SPTBN1: variants seen among roughly 807,000 people sequenced by gnomAD.
SPTBN1 encodes the protein spectrin beta, non-erythrocytic 1.
SPTBN1 carries 32 observed loss-of-function variants against 266.4 expected under a neutral mutation model. The ratio of observed to expected loss-of-function variants is 0.12; its 90% confidence interval spans 0.09 to 0.16. The LOEUF (loss-of-function observed/expected upper bound fraction) is 0.16. Ranked by LOEUF, SPTBN1 falls within the 10% of genes least tolerant of loss-of-function variation. SPTBN1 has a pLI of 1.00. For synonymous variants in SPTBN1, 1,336 were observed against 1,162.2 expected (o/e 1.15, Z -3.04); for missense variants, 2,296 against 3,067.1 (o/e 0.75, Z 5.94).
At chr2:54,638,073 G>T (rs562068304) in intron 18 of SPTBN1, among the ~76,000 whole-genome samples, 4 of 152,312 alleles carry the variant, frequency 2.6e-5, no homozygotes, top group East Asian at 1.9e-4. Context: ...TGTCTTTATG[G>T]TTGGTTGGCT....
chr2:54,618,064 G>C lies in SPTBN1; in HGVS notation c.648-14G>C, dbSNP rs370638509. 14 of 1,601,976 alleles carry C rather than the reference G, an allele frequency of 8.7e-6. No individual in the cohort carries two copies. The African/African-American group carries it at 1.3e-4, about 15-fold the overall frequency. On this transcript the variant is annotated splice_polypyrimidine_tract_variant and intron_variant, in intron 6 of 35. Transcript: ENST00000356805. ...GCCATGATTTTTGTTGTGTCCCACT[G>C]TTGTTCTGCACAGGCCTGACCTGAT...
At chr2:54,506,330 G>A (rs1669554183) in intron 1 of SPTBN1, among the ~76,000 whole-genome samples, 1 of 152,126 alleles carries the variant, frequency 6.6e-6, no homozygotes, top group Non-Finnish European at 1.5e-5. Flanking sequence ...AGACAGCAGT[G>A]AAAATTTGTC....
At chr2:54,506,238 A>G (rs1008260352) in intron 1 of SPTBN1, among the ~76,000 whole-genome samples, 25 of 152,166 alleles carry the variant, frequency 1.6e-4, no homozygotes, top group African/African-American at 5.6e-4. Flanking sequence ...CCCGTGCTAC[A>G]TGTGCTTTCG....
chr2:54,643,434 A>G (rs1010633128), intron 19 of SPTBN1, among the ~76,000 whole-genome samples: 2 of 152,212 alleles, frequency 1.3e-5, no homozygotes, highest in Admixed American at 1.3e-4. Flanking sequence ...TCATGCAGGG[A>G]TTCCACTGTC....
In SPTBN1 at chr2:54,628,365, A is replaced by C; in HGVS notation, c.1798+115A>C. On this transcript the variant is annotated intron_variant, in intron 13 of 35. Coordinates refer to ENST00000356805, the MANE Select transcript of SPTBN1 (RefSeq NM_003128.3). The surrounding 1 kb of genome is among the most constrained non-coding windows in gnomAD (Gnocchi z 4.3). ...ACTATACATTCCTGGTGGGTTTGTC[A>C]TGGGAGCATGAAATACGGTGGAGTG... 2 of 1,320,482 alleles carry C rather than the reference A, an allele frequency of 1.5e-6. No homozygotes were observed. Among genetic ancestry groups the C allele is most frequent in the Non-Finnish European group, 2.0e-6 (2 of 1,004,854 alleles). The allele number at this position is 1,320,482 out of a possible 1,614,324, so 81.8% of individuals were successfully genotyped here. A position where few individuals can be genotyped will look rare whatever the true frequency, so the allele number is the denominator to read the frequency against.
At position 54,653,998 on chromosome 2, in the gene SPTBN1, G is replaced by A. The variant is rs1417065042; in HGVS notation, c.5822+145G>A. On this transcript the variant is annotated intron_variant, in intron 27 of 35. Transcript: ENST00000356805. The surrounding 1 kb of genome is among the most constrained non-coding windows in gnomAD (Gnocchi z 5.1). ...GGGGGTGGGGCGGTGCTTGGAGTGC[G>A]GCACCACTGCTTGCCTCGTGCACTT... 1.6e-4 allele frequency: 195 copies of A among 1,237,788 alleles called. No homozygotes were observed. The highest frequency in any genetic ancestry group is 2.0e-4 in the Non-Finnish European group (180 of 906,496). The allele number at this position is 1,237,788 out of a possible 1,614,324, so 76.7% of individuals were successfully genotyped here. A position where few individuals can be genotyped will look rare whatever the true frequency, so the allele number is the denominator to read the frequency against.
intron 1 of SPTBN1, among the ~76,000 whole-genome samples, chr2:54,493,886 A>G (rs142790656): frequency 3.9e-5 from 6 of 152,360 alleles, no homozygotes; most frequent in Non-Finnish European, 7.3e-5. Flanking sequence ...TAGGGTGTCT[A>G]TCAAAGACAA....
At chr2:54,632,520 A>G (rs772126801) in intron 16 of SPTBN1, 46 bp from the exon 17 acceptor site, 1 of 1,582,486 alleles carries the variant, frequency 6.3e-7, no homozygotes, top group East Asian at 2.2e-5. Flanking sequence ...CAGGAAAATG[A>G]GATCCTTCAT....
At chr2:54,553,040 T>TA in intron 2 of SPTBN1, among the ~76,000 whole-genome samples, 1 of 152,320 alleles carries the variant, frequency 6.6e-6, no homozygotes, top group Non-Finnish European at 1.5e-5. Context: ...GCTATGCCAG[T>TA]AGGGCTTTTG....
intron 2 of SPTBN1, among the ~76,000 whole-genome samples, chr2:54,532,983 G>C (rs1425893009): frequency 6.6e-6 from 1 of 151,688 alleles, no homozygotes; most frequent in African/African-American, 2.4e-5. Flanking sequence ...TTCTTGTTGA[G>C]AACTTTTACT....
chr2:54,588,895 T>A (rs1459787046), intron 2 of SPTBN1, among the ~76,000 whole-genome samples: 1 of 152,230 alleles, frequency 6.6e-6, no homozygotes, highest in Admixed American at 6.5e-5. Flanking sequence ...TTTTGGCACC[T>A]TACACTATTG....
chr2:54,493,647 C>T (rs373526443), intron 1 of SPTBN1, among the ~76,000 whole-genome samples: 72 of 152,308 alleles, frequency 4.7e-4, no homozygotes, highest in African/African-American at 1.6e-3. Flanking sequence ...AGTTATCCAC[C>T]TGCCTTGGCC....
At chr2:54,586,311 G>T (rs1298899940) in intron 2 of SPTBN1, among the ~76,000 whole-genome samples, 1 of 152,064 alleles carries the variant, frequency 6.6e-6, no homozygotes, top group Non-Finnish European at 1.5e-5. Context: ...TATGGTCACT[G>T]GCCAAAAAGG....
intron 4 of SPTBN1, among the ~76,000 whole-genome samples, chr2:54,613,136 T>C (rs1677343275): frequency 6.6e-6 from 1 of 152,210 alleles, no homozygotes; most frequent in Non-Finnish European, 1.5e-5. Flanking sequence ...TTATTGGTTC[T>C]TTCTCCAGGC....
intron 2 of SPTBN1, among the ~76,000 whole-genome samples, chr2:54,576,078 A>G (rs1674455110): frequency 7.5e-5 from 1 of 13,300 alleles, no homozygotes; most frequent in African/African-American, 2.3e-4. Flanking sequence ...TTTTTGAGAG[A>G]CAGTCTGGCT....
At chr2:54,581,582 T>TTTTTTTTTTTTTTTTTTTTG in intron 2 of SPTBN1, among the ~76,000 whole-genome samples, 1 of 101,558 alleles carries the variant, frequency 9.8e-6, no homozygotes, top group Non-Finnish European at 2.3e-5. Flanking sequence ...TTGCCCTTTT[T>TTTTTTTTTTTTTTTTTTTTG]TTTTTTTTTT....
chr2:54,661,388 G>A (rs554190423), intron 32 of SPTBN1: 3 of 985,814 alleles, frequency 3.0e-6, no homozygotes, highest in Non-Finnish European at 3.6e-6. Context: ...GTTTTGATAT[G>A]TGTTCTCTAT....
chr2:54,553,835 C>G (rs1473275315), intron 2 of SPTBN1, among the ~76,000 whole-genome samples: 3 of 152,204 alleles, frequency 2.0e-5, no homozygotes, highest in Non-Finnish European at 4.4e-5. Context: ...TTTACCCACT[C>G]AAGCTTGCTG....
At chr2:54,662,159 C>T (rs1367831152) in intron 32 of SPTBN1, 37 of 985,106 alleles carry the variant, frequency 3.8e-5, no homozygotes, top group South Asian at 4.7e-5. Flanking sequence ...AGAGAAGCAA[C>T]GTGGGGGGTG....
Sources: allele counts gnomAD v4.1 joint callset (sites outside exome capture counted in the v4.1 genomes callset), GRCh38; gene constraint gnomAD v4.1.1; non-coding constraint Gnocchi (gnomAD v3.1); transcripts MANE v1.5; gene names NCBI Gene and HGNC (gene_info 2026-07-23, HGNC 2026-07-21).